RNF212B: variants seen among roughly 807,000 people sequenced by gnomAD.
RNF212B encodes the protein E3 ubiquitin-protein ligase RNF212B.
Under a neutral mutation model 55.5 loss-of-function variants are expected in RNF212B, and 52 were observed. The ratio of observed to expected loss-of-function variants is 0.94; its 90% CI spans 0.75 to 1.18. The LOEUF (loss-of-function observed/expected upper bound fraction) is 1.18. RNF212B is among the 50% of genes most tolerant of loss of function. The pLI, the probability that RNF212B is intolerant of heterozygous loss-of-function variation, is 0.00. For missense variants in RNF212B, 289 were observed against 350.4 expected (o/e 0.82, Z 1.40); for synonymous variants, 99 against 121.4 (o/e 0.82, Z 1.21).
chr14:23,237,633 G>A (rs1430810369), upstream of RNF212B, among the ~76,000 whole-genome samples: 1 of 152,070 alleles, frequency 6.6e-6, no homozygotes, highest in African/African-American at 2.4e-5. Flanking sequence ...TTTATATTGC[G>A]TTCTCATCGT....
rs930566014 is a variant in RNF212B, at chr14:23,264,620, C to G, written c.586-3C>G. 4 of 1,341,370 alleles carry G rather than the reference C, an allele frequency of 3.0e-6. No individual in the cohort carries two copies. Among genetic ancestry groups the G allele is most frequent in the Non-Finnish European group, 3.9e-6 (4 of 1,038,566 alleles). The allele number at this position is 1,341,370 out of a possible 1,614,324, so 83.1% of individuals were successfully genotyped here. A position where few individuals can be genotyped will look rare whatever the true frequency, so the allele number is the denominator to read the frequency against. On this transcript the variant is annotated splice_region_variant and splice_polypyrimidine_tract_variant and intron_variant, in intron 10 of 14. Coordinates refer to ENST00000430154, the MANE Select transcript of RNF212B (RefSeq NM_001282322.3). ...TAATTGATGCTTATTATTTGTCTAT[C>G]AGGGAGGCAGAGGTCTGCAGGGAAG... is the stretch of plus-strand genomic sequence containing the variant.
In RNF212B at chr14:23,270,662, G is replaced by A; in HGVS notation, c.834+1G>A. On this transcript the variant is annotated splice_donor_variant, in intron 14 of 14. Transcript: ENST00000430154. LOFTEE classifies it high-confidence loss of function. ...TAGTTTCCAGCTACCAGTCCTGCAG[G>A]TGAGACCTGGCTAGTCTAACTTGTC... The A allele has an allele frequency of 6.5e-7, 1 of 1,546,024 alleles. No individual in the cohort carries two copies. The highest frequency in any genetic ancestry group is 8.8e-7 in the Non-Finnish European group (1 of 1,142,570).
At position 23,262,938 on chromosome 14, in the gene RNF212B, AC is replaced by A; in HGVS notation, c.495del (p.Ser166ValfsTer101). ...TTTATTCTCTTTCAGTTACCCCACG[AC>A]CCAGTTTCCAGCATAGCAGTCAAGT... ...TSPSQSVTPRPSFQHSSQVVS... is the reference protein window; with the variant it reads ...TSPSQSVTPRXSFQHSSQVVS... On this transcript the variant is annotated frameshift_variant, in exon 9 of 15. Coordinates refer to ENST00000430154, the MANE Select transcript of RNF212B (RefSeq NM_001282322.3). LOFTEE classifies it high-confidence loss of function. 2 of 1,550,522 alleles carry A rather than the reference AC, an allele frequency of 1.3e-6. No homozygotes were observed. The highest frequency in any genetic ancestry group is 2.7e-5 in the African/African-American group (2 of 73,154).
chr14:23,268,584 T>G lies in RNF212B; in HGVS notation c.635-340T>G, dbSNP rs193072721. ...GCTCTGCCATTTTTGTTGATGTCAC[T>G]CCTAGCTAATTTTTGTTGATGTCAC... On this transcript the variant is annotated intron_variant, in intron 11 of 14. Transcript: ENST00000430154. Among the ~76,000 whole-genome samples, 540 of 148,684 alleles carry G rather than the reference T, an allele frequency of 3.6e-3. 1 individual carries two copies. The highest frequency in any genetic ancestry group is 5.5e-3 in the Non-Finnish European group (374 of 67,988).
chr14:23,266,961 T>C (rs187027545), intron 11 of RNF212B, among the ~76,000 whole-genome samples: 3 of 152,282 alleles, frequency 2.0e-5, no homozygotes, highest in Admixed American at 2.0e-4. Context: ...ATTGTGGTTT[T>C]TGGTTTTTTG....
intron 2 of RNF212B, among the ~76,000 whole-genome samples, chr14:23,242,041 C>T (rs1452839694): frequency 2.2e-5 from 3 of 134,132 alleles, no homozygotes; most frequent in African/African-American, 8.5e-5. Context: ...AAGATCGTGC[C>T]ACTGCACTCC....
chr14:23,188,679 A>C (rs2140352848), intron 1 of RNF212B, among the ~76,000 whole-genome samples: 1 of 152,220 alleles, frequency 6.6e-6, no homozygotes, highest in South Asian at 2.1e-4. Flanking sequence ...TGCATTACCC[A>C]GGCTGATCTC....
At chr14:23,252,110 G>T (rs537612718) in intron 4 of RNF212B, among the ~76,000 whole-genome samples, 3 of 151,976 alleles carry the variant, frequency 2.0e-5, no homozygotes, top group African/African-American at 7.3e-5. Flanking sequence ...TGGGAAGAAA[G>T]GTTGGGACCC....
At position 23,232,173 on chromosome 14, in the gene RNF212B, G is replaced by A. The variant is rs560661444; in HGVS notation, c.-1-8172G>A. On this transcript the variant is annotated intron_variant, in intron 2 of 15. Transcript: ENST00000399910. ...GGGAAGTGAGGAGGGCCTCTTCCCC[G>A]CCGCCATCCCGTCTAAGAAGTGAGG... is the stretch of plus-strand genomic sequence containing the variant. 3.0e-4 allele frequency among the ~76,000 whole-genome samples: 45 copies of A among 151,794 alleles called. 1 individual carries two copies. In the East Asian group the frequency reaches 3.3e-3, roughly 11 times the overall value.
At chr14:23,216,567 T>TA (rs112463333) in intron 2 of RNF212B, among the ~76,000 whole-genome samples, 7,077 of 141,076 alleles carry the variant, frequency 0.05, 573 homozygotes, top group African/African-American at 0.17. Context: ...TTATGCTAAG[T>TA]AAAAAAAAAA....
At chr14:23,205,545 G>T (rs1879754029) in intron 2 of RNF212B, among the ~76,000 whole-genome samples, 1 of 152,166 alleles carries the variant, frequency 6.6e-6, no homozygotes, top group African/African-American at 2.4e-5. Context: ...GCCATTGCAA[G>T]ATTATAACTG....
At chr14:23,194,602 G>A (rs2140359352) in intron 2 of RNF212B, among the ~76,000 whole-genome samples, 1 of 152,080 alleles carries the variant, frequency 6.6e-6, no homozygotes, top group Admixed American at 6.6e-5. Context: ...GGGCGTGGTA[G>A]CACCCACCTG....
chr14:23,262,903 T>C, intron 8 of RNF212B, 25 bp from the exon 9 acceptor site: 1 of 1,550,266 alleles, frequency 6.5e-7, no homozygotes, highest in East Asian at 2.4e-5. Context: ...GGCAACTTTT[T>C]ATTCTGTACT....
At chr14:23,245,125 C>T (rs1883896702) in intron 4 of RNF212B, among the ~76,000 whole-genome samples, 1 of 152,066 alleles carries the variant, frequency 6.6e-6, no homozygotes, top group African/African-American at 2.4e-5. Context: ...ATCACTGTTC[C>T]CTTTCTATAC....
intron 12 of RNF212B, 40 bp downstream of exon 12, chr14:23,269,003 A>G (rs1472608986): frequency 6.6e-7 from 1 of 1,508,136 alleles, no homozygotes; most frequent in African/African-American, 1.4e-5. Flanking sequence ...GGATGTGTTC[A>G]TACTTAAACT....
chr14:23,259,799 A>T, intron 5 of RNF212B, 85 bp from the exon 6 acceptor site: 1 of 640,862 alleles, frequency 1.6e-6, no homozygotes, highest in Non-Finnish European at 2.6e-6. Flanking sequence ...GTAAGTATTA[A>T]CTAGATGTTA....
chr14:23,215,100 C>G (rs112322139), intron 2 of RNF212B, among the ~76,000 whole-genome samples: 3,202 of 152,174 alleles, frequency 0.021, 108 homozygotes, highest in African/African-American at 0.072. Context: ...TTGGATCATG[C>G]GGGCAGTTTC....
intron 11 of RNF212B, among the ~76,000 whole-genome samples, chr14:23,264,924 C>T (rs1362773605): frequency 6.6e-6 from 1 of 151,642 alleles, no homozygotes; most frequent in South Asian, 2.1e-4. Context: ...CATGTTCAAG[C>T]GATTCTCCTG....
intron 1 of RNF212B, among the ~76,000 whole-genome samples, chr14:23,192,949 G>A (rs967162971): frequency 7.9e-5 from 12 of 151,698 alleles, no homozygotes; most frequent in Non-Finnish European, 7.4e-5. Context: ...AAAATTAGCC[G>A]GGCATGGTGG....
Sources: gnomAD v4.1 joint callset for allele counts (sites outside exome capture counted in the v4.1 genomes callset) on GRCh38, gnomAD v4.1.1 for gene constraint, MANE v1.5 for transcripts, NCBI Gene and HGNC (gene_info 2026-07-23, HGNC 2026-07-21) for gene names.